Variants in OSBPL3 observed in about 807,000 individuals in gnomAD.
OSBPL3 encodes the protein oxysterol-binding protein-related protein 3.
Under a neutral mutation model 120.1 loss-of-function variants are expected in OSBPL3, and 65 were observed. That is an observed-to-expected ratio of 0.54 (90% confidence interval 0.44 to 0.67). OSBPL3 has a LOEUF of 0.67. Among genes scored for constraint, OSBPL3 ranks in the 30% least tolerant of loss-of-function variants. OSBPL3 has a pLI of 0.00. For missense variants in OSBPL3, 1,004 were observed against 1,082.1 expected (o/e 0.93, Z 1.01); for synonymous variants, 416 against 402.6 (o/e 1.03, Z -0.40).
upstream of OSBPL3, among the ~76,000 whole-genome samples, chr7:24,980,380 G>T (rs1235326649): frequency 6.6e-6 from 1 of 151,990 alleles, no homozygotes; most frequent in South Asian, 2.1e-4. Context: ...ATGACGCGGC[G>T]GGGGAACTAG....
chr7:24,960,824 A>G lies in OSBPL3; in HGVS notation c.-150+19062T>C, dbSNP rs181929634. On this transcript the variant is annotated intron_variant, in intron 1 of 22. Transcript: ENST00000313367. ...TCAATGTACAAAACTGGTTTTGCACAGAAGTATCACCAAGTACATAGTCCC... is the reference window on the plus strand; with the variant it reads ...TCAATGTACAAAACTGGTTTTGCACGGAAGTATCACCAAGTACATAGTCCC... 7.7e-3 allele frequency among the ~76,000 whole-genome samples: 1,178 copies of G among 152,328 alleles called. 22 individuals carry two copies. The highest frequency in any genetic ancestry group is 0.026 in the African/African-American group (1,099 of 41,564).
At chr7:24,809,276 G>A (rs1793464673) in intron 20 of OSBPL3, among the ~76,000 whole-genome samples, 1 of 152,266 alleles carries the variant, frequency 6.6e-6, no homozygotes, top group East Asian at 1.9e-4. Flanking sequence ...AGTATGGTGG[G>A]GACATGCTGA....
At position 24,972,759 on chromosome 7, in the gene OSBPL3, A is replaced by G. The variant is rs1817173183; in HGVS notation, c.-150+7127T>C. ...ACATATATATACATATATGTAGATT[A>G]AAATATATATATTAGCTTTAGCTTC... On this transcript the variant is annotated intron_variant, in intron 1 of 22. Transcript: ENST00000313367. This position sits in a 1 kb window ranked among gnomAD's most constrained non-coding sequence, Gnocchi z 4.3. Among the ~76,000 whole-genome samples, 2 of 152,210 alleles carry G rather than the reference A, an allele frequency of 1.3e-5. No homozygotes were observed.
chr7:24,872,037 C>T lies in OSBPL3; in HGVS notation c.129G>A (p.Gly43=). 6.2e-7 allele frequency: 1 copy of T among 1,613,558 alleles called. No homozygotes were observed. The highest frequency in any genetic ancestry group is 8.5e-7 in the Non-Finnish European group (1 of 1,179,526). The change falls in exon 3 of 23, where the codon GGG becomes GGA. Residue 43 remains glycine, a synonymous_variant. Transcript: ENST00000313367. The surrounding 1 kb of genome is among the most constrained non-coding windows in gnomAD (Gnocchi z 4.1). ...DSWEVVEGLR[G]EMNYTQEPPV... is the part of the protein sequence containing the mutation. ...GTGGCTCCTGGGTGTAATTCATCTC[C>T]CCCCTCAGTCCTTCCACCACTTCCC...
At chr7:24,860,448 A>G (rs1049354052) in intron 10 of OSBPL3, among the ~76,000 whole-genome samples, 1 of 152,176 alleles carries the variant, frequency 6.6e-6, no homozygotes, top group Non-Finnish European at 1.5e-5. Context: ...GTGGTAGTAA[A>G]TAAGTCTCAT....
chr7:24,829,593 C>T (rs1044286210), intron 16 of OSBPL3, among the ~76,000 whole-genome samples: 4 of 152,170 alleles, frequency 2.6e-5, no homozygotes, highest in Admixed American at 2.6e-4. Flanking sequence ...CTCCTCAGTT[C>T]TCTAAGAACT....
rs1467433557 is a variant in OSBPL3 at position 24,802,422 on chromosome 7, T to G, written c.2567+1893A>C. On this transcript the variant is annotated intron_variant, in intron 22 of 22. Coordinates refer to ENST00000313367, the MANE Select transcript of OSBPL3 (RefSeq NM_015550.4). The surrounding 1 kb of genome is among the most constrained non-coding windows in gnomAD (Gnocchi z 4.1). ...TGAAAAAAATTTTCCCATCTAATAC[T>G]ATGATCATTTTACAGACAGTCAAAA... Among the ~76,000 whole-genome samples the G allele has an allele frequency of 6.6e-6, 1 of 152,226 alleles. No individual in the cohort carries two copies. The highest frequency in any genetic ancestry group is 1.5e-5 in the Non-Finnish European group (1 of 68,036).
At chr7:24,841,387 T>C (rs1797721421) in intron 13 of OSBPL3, among the ~76,000 whole-genome samples, 1 of 151,682 alleles carries the variant, frequency 6.6e-6, no homozygotes, top group South Asian at 2.1e-4. Context: ...TTCTCTATAG[T>C]AGACACATTA....
rs1584277143 is a variant in OSBPL3 at position 24,830,002 on chromosome 7, C to A, written c.1884+766G>T. Among the ~76,000 whole-genome samples the A allele has an allele frequency of 6.6e-6, 1 of 152,202 alleles. No individual in the cohort carries two copies. Among genetic ancestry groups the A allele is most frequent in the Non-Finnish European group, 1.5e-5 (1 of 68,034 alleles). On this transcript the variant is annotated intron_variant, in intron 16 of 22. Transcript: ENST00000313367. This position sits in a 1 kb window ranked among gnomAD's most constrained non-coding sequence, Gnocchi z 4.4. ...ACAAAACCACGTGAGGTACATATAA[C>A]TGTCATCCTCTCCACTCTCAAGAGC...
chr7:24,885,137 G>C (rs1045962494), intron 2 of OSBPL3, among the ~76,000 whole-genome samples: 1 of 151,054 alleles, frequency 6.6e-6, no homozygotes, highest in African/African-American at 2.4e-5. Flanking sequence ...CAGGAGAATC[G>C]CTTGAACCCA....
In OSBPL3 at chr7:24,861,508, G is replaced by A. The variant is rs529155602; in HGVS notation, c.1027+105C>T. ...TTAGGTTTCCCTAAATCTTAATAGA[G>A]CAGAAAATGAACCAACTAAGATACT... On this transcript the variant is annotated intron_variant, in intron 10 of 22. Transcript: ENST00000313367. The A allele has an allele frequency of 4.0e-4, 274 of 680,204 alleles. 4 individuals are homozygous for A. The South Asian group carries it at 7.1e-3, about 18-fold the overall frequency. The allele number at this position is 680,204 out of a possible 1,614,324, so 42.1% of individuals were successfully genotyped here. A position where few individuals can be genotyped will look rare whatever the true frequency, so the allele number is the denominator to read the frequency against.
rs1205666511 is a variant in OSBPL3, at chr7:24,959,510, G to C, written c.-150+20376C>G. On this transcript the variant is annotated intron_variant, in intron 1 of 22. Transcript: ENST00000313367. This position sits in a 1 kb window ranked among gnomAD's most constrained non-coding sequence, Gnocchi z 4.3. ...AAAAACAAGCAAAGCTAATCTGATG[G>C]TGTTACAAATCAGGATGGAAATTAC... Among the ~76,000 whole-genome samples, 1 of 152,132 alleles carries C rather than the reference G, an allele frequency of 6.6e-6. No homozygotes were observed. The highest frequency in any genetic ancestry group is 6.5e-5 in the Admixed American group (1 of 15,270).
rs377761161 is a variant in OSBPL3 at position 24,972,210 on chromosome 7, G to C, written c.-150+7676C>G. On this transcript the variant is annotated intron_variant, in intron 1 of 22. Transcript: ENST00000313367. This position sits in a 1 kb window ranked among gnomAD's most constrained non-coding sequence, Gnocchi z 4.3. The stretch of plus-strand genomic sequence containing the variant: ...ACAAACCTGTGTGTCGCATCAGAGA[G>C]AGAAATTCAAAACCTCAAATCAAAA... Among the ~76,000 whole-genome samples, 2 of 152,192 alleles carry C rather than the reference G, an allele frequency of 1.3e-5. No individual in the cohort carries two copies. Among genetic ancestry groups the C allele is most frequent in the Non-Finnish European group, 2.9e-5 (2 of 68,032 alleles).
At chr7:24,843,147 G>C (rs897105047) in intron 12 of OSBPL3, among the ~76,000 whole-genome samples, 3 of 152,098 alleles carry the variant, frequency 2.0e-5, no homozygotes, top group African/African-American at 7.3e-5. Flanking sequence ...GTCCTGAGCT[G>C]GCCATGGCAG....
intron 16 of OSBPL3, among the ~76,000 whole-genome samples, chr7:24,828,776 T>G (rs9719530): frequency 6.6e-6 from 1 of 151,520 alleles, no homozygotes; most frequent in Admixed American, 6.6e-5. Context: ...TTTTTTTTTT[T>G]AAAAAGGAAG....
At position 24,873,356 on chromosome 7, in the gene OSBPL3, C is replaced by T. The variant is rs761353383; in HGVS notation, c.97-1287G>A. On this transcript the variant is annotated intron_variant, in intron 2 of 22. Coordinates refer to ENST00000313367, the MANE Select transcript of OSBPL3 (RefSeq NM_015550.4). This position sits in a 1 kb window ranked among gnomAD's most constrained non-coding sequence, Gnocchi z 4.1. ...TTCTGTGTTGTCCTCAAGTTCAATA[C>T]GTGGGACCCACCTGGTAATGAGAAC... Among the ~76,000 whole-genome samples, 4 of 152,180 alleles carry T rather than the reference C, an allele frequency of 2.6e-5. No homozygotes were observed. Among genetic ancestry groups the T allele is most frequent in the South Asian group, 2.1e-4 (1 of 4,828 alleles).
At chr7:24,810,025 A>C in intron 19 of OSBPL3, 74 bp from the exon 20 acceptor site, 3 of 1,541,850 alleles carry the variant, frequency 1.9e-6, no homozygotes, top group Non-Finnish European at 2.7e-6. Flanking sequence ...AGAAAAAAGG[A>C]AAAGCTAGAG....
chr7:24,926,498 A>G (rs962977724), intron 1 of OSBPL3, among the ~76,000 whole-genome samples: 5 of 152,234 alleles, frequency 3.3e-5, no homozygotes, highest in Admixed American at 3.3e-4. Context: ...TCTGTGTTAC[A>G]TACAAGGCTC....
At chr7:24,963,139 G>C (rs1425157318) in intron 1 of OSBPL3, among the ~76,000 whole-genome samples, 4 of 152,088 alleles carry the variant, frequency 2.6e-5, no homozygotes, top group Non-Finnish European at 5.9e-5. Context: ...TGGGCCTTTA[G>C]AGCACTAAAA....
Sources: allele counts gnomAD v4.1 joint callset (sites outside exome capture counted in the v4.1 genomes callset), GRCh38; gene constraint gnomAD v4.1.1; non-coding constraint Gnocchi (gnomAD v3.1); transcripts MANE v1.5; gene names NCBI Gene and HGNC (gene_info 2026-07-23, HGNC 2026-07-21).